Variants in FHIT observed in about 807,000 individuals in gnomAD.
The protein encoded by FHIT is bis(5'-adenosyl)-triphosphatase.
Under a neutral mutation model 17.9 loss-of-function variants are expected in FHIT, and 19 were observed. The ratio of observed to expected loss-of-function variants is 1.06; its 90% CI spans 0.74 to 1.56. The LOEUF (loss-of-function observed/expected upper bound fraction) is 1.56. FHIT is among the 40% of genes most tolerant of loss of function. The probability of loss-of-function intolerance (pLI) is 0.00; values close to 1 mark genes in which losing one functional copy is unlikely to be tolerated. For missense variants in FHIT, 248 were observed against 189.2 expected (o/e 1.31, Z -1.82); for synonymous variants, 81 against 69.7 (o/e 1.16, Z -0.81).
At chr3:59,875,380 A>C (rs1345371085) in intron 8 of FHIT, among the ~76,000 whole-genome samples, 2 of 152,144 alleles carry the variant, frequency 1.3e-5, no homozygotes, top group Non-Finnish European at 2.9e-5. Flanking sequence ...TTACCTCTTC[A>C]TCATCATTTG....
At chr3:60,062,323 A>G (rs1158845432) in intron 5 of FHIT, among the ~76,000 whole-genome samples, 1 of 152,172 alleles carries the variant, frequency 6.6e-6, no homozygotes, top group African/African-American at 2.4e-5. Context: ...AAGAAAACAC[A>G]CAGCTCAGGA....
intron 5 of FHIT, among the ~76,000 whole-genome samples, chr3:60,069,824 T>C (rs1219247497): frequency 2.6e-5 from 4 of 152,134 alleles, no homozygotes; most frequent in Non-Finnish European, 1.5e-5. Context: ...TTTACACCTT[T>C]CCAAGCACTT....
intron 4 of FHIT, among the ~76,000 whole-genome samples, chr3:60,787,150 A>C (rs1012562946): frequency 7.2e-5 from 11 of 152,216 alleles, no homozygotes; most frequent in Non-Finnish European, 1.5e-4. Context: ...GCAGCTTCCA[A>C]GTAATGACCC....
chr3:59,989,079 G>A (rs964528466), intron 7 of FHIT, among the ~76,000 whole-genome samples: 1 of 152,016 alleles, frequency 6.6e-6, no homozygotes, highest in African/African-American at 2.4e-5. Context: ...AAGAGGTTCT[G>A]GGAAGGGGAG....
chr3:60,258,100 A>ACACACACACACC lies in FHIT; in HGVS notation c.104-243949_104-243948insGGTGTGTGTGTG, dbSNP rs770378733. Among the ~76,000 whole-genome samples the ACACACACACACC allele has an allele frequency of 1.9e-3, 269 of 145,174 alleles. 2 individuals are homozygous for ACACACACACACC. The highest frequency in any genetic ancestry group is 2.7e-3 in the Non-Finnish European group (178 of 66,646). On this transcript the variant is annotated intron_variant, in intron 5 of 9. Transcript: ENST00000492590. ...CACACACACACACACACACACACACACCTCTGCAGATTTTGTACACACTCC... is the reference window on the plus strand; with the variant it reads ...CACACACACACACACACACACACACACACACACACACCCCTCTGCAGATTTTGTACACACTCC...
At chr3:59,967,551 A>G (rs1707983645) in intron 7 of FHIT, among the ~76,000 whole-genome samples, 1 of 152,088 alleles carries the variant, frequency 6.6e-6, no homozygotes, top group Non-Finnish European at 1.5e-5. Context: ...GTTGACTGAA[A>G]TTTTATGCAG....
At chr3:60,322,879 C>G (rs139827687) in intron 5 of FHIT, among the ~76,000 whole-genome samples, 2 of 152,050 alleles carry the variant, frequency 1.3e-5, no homozygotes, top group South Asian at 2.1e-4. Context: ...AAATTTGAAC[C>G]GTCTGAATTA....
intron 5 of FHIT, among the ~76,000 whole-genome samples, chr3:60,509,041 C>T (rs2034843770): frequency 6.6e-6 from 1 of 152,068 alleles, no homozygotes; most frequent in African/African-American, 2.4e-5. Flanking sequence ...TCCTATATTC[C>T]CACCCAAATT....
intron 5 of FHIT, among the ~76,000 whole-genome samples, chr3:60,315,614 G>T (rs1355681585): frequency 6.6e-6 from 1 of 152,202 alleles, no homozygotes; most frequent in African/African-American, 2.4e-5. Flanking sequence ...CACTGCTGCT[G>T]CACAGGGCAG....
At chr3:61,108,922 C>T (rs953543089) in intron 2 of FHIT, among the ~76,000 whole-genome samples, 2 of 152,172 alleles carry the variant, frequency 1.3e-5, no homozygotes, top group African/African-American at 4.8e-5. Flanking sequence ...GCACAGTTCT[C>T]TGGGCAAGCA....
At chr3:60,000,899 G>T (rs983468311) in intron 7 of FHIT, among the ~76,000 whole-genome samples, 1 of 152,074 alleles carries the variant, frequency 6.6e-6, no homozygotes, top group Non-Finnish European at 1.5e-5. Flanking sequence ...CTGCCACCTG[G>T]TCTTCAATTA....
chr3:59,874,600 T>G (rs1703069241), intron 8 of FHIT, among the ~76,000 whole-genome samples: 1 of 152,130 alleles, frequency 6.6e-6, no homozygotes, highest in Admixed American at 6.5e-5. Context: ...ATTACGGGGT[T>G]AGGACAGTGG....
chr3:59,848,378 A>G (rs1370684192), intron 8 of FHIT, among the ~76,000 whole-genome samples: 3 of 152,144 alleles, frequency 2.0e-5, no homozygotes, highest in Admixed American at 2.0e-4. Context: ...CATACTCTAT[A>G]ATCTTCCCAT....
chr3:60,717,167 G>C (rs187123083), intron 4 of FHIT, among the ~76,000 whole-genome samples: 2 of 152,218 alleles, frequency 1.3e-5, no homozygotes, highest in East Asian at 3.9e-4. Flanking sequence ...AAATGGGGAG[G>C]TGTTGGTCAA....
chr3:60,604,145 A>G (rs552842400), intron 4 of FHIT, among the ~76,000 whole-genome samples: 36 of 152,296 alleles, frequency 2.4e-4, no homozygotes, highest in African/African-American at 8.7e-4. Context: ...TTTTAAAAAT[A>G]CAAGGATTTA....
At chr3:60,633,069 C>T (rs1646121672) in intron 4 of FHIT, among the ~76,000 whole-genome samples, 1 of 152,126 alleles carries the variant, frequency 6.6e-6, no homozygotes, top group South Asian at 2.1e-4. Context: ...TGTTAGTTTC[C>T]TTCTATGCAA....
chr3:60,112,207 G>A (rs1704704627), intron 5 of FHIT, among the ~76,000 whole-genome samples: 1 of 152,058 alleles, frequency 6.6e-6, no homozygotes, highest in African/African-American at 2.4e-5. Flanking sequence ...TAACTTGGAG[G>A]GCTGAAAGTA....
chr3:61,014,779 CAAAAAAAAAAAAAA>C lies in FHIT; in HGVS notation c.-111+27254_-111+27267del, dbSNP rs869289360. On this transcript the variant is annotated intron_variant, in intron 3 of 9. Transcript: ENST00000492590. Reference sequence around the variant, plus strand: ...TGGGTGACAGAGCGAGACTCTGCCTCAAAAAAAAAAAAAAAAAAAAAAAAAAAAATATATATATA... The same window carrying C: ...TGGGTGACAGAGCGAGACTCTGCCTCAAAAAAAAAAAAAAATATATATATA... Among the ~76,000 whole-genome samples the C allele has an allele frequency of 1.1e-4, 7 of 65,822 alleles. 1 individual carries two copies. The highest frequency in any genetic ancestry group is 7.0e-4 in the Admixed American group (3 of 4,282). 43.2% of individuals were successfully genotyped at this position (65,822 alleles called of 152,430 possible).
At chr3:60,733,232 C>T (rs1378997165) in intron 4 of FHIT, among the ~76,000 whole-genome samples, 2 of 152,136 alleles carry the variant, frequency 1.3e-5, no homozygotes, top group African/African-American at 4.8e-5. Flanking sequence ...TCCCTCTCAG[C>T]CATTTCTTGC....
Sources: gnomAD v4.1 joint callset for allele counts (sites outside exome capture counted in the v4.1 genomes callset) on GRCh38, gnomAD v4.1.1 for gene constraint, MANE v1.5 for transcripts, NCBI Gene and HGNC (gene_info 2026-07-23, HGNC 2026-07-21) for gene names.